Variants in SLFN12L observed in about 807,000 individuals in gnomAD.
SLFN12L encodes the protein schlafen family member 12-like.
A neutral mutation model predicts 34.8 loss-of-function variants in SLFN12L; 34 were observed. The observed-to-expected ratio is 0.98, with a 90% CI of 0.74 to 1.30. The LOEUF (loss-of-function observed/expected upper bound fraction) is 1.30, where lower values mean the gene tolerates loss of function less well. Ranked by LOEUF, SLFN12L falls within the 50% of genes most tolerant of loss-of-function variation. The pLI, the probability that SLFN12L is intolerant of heterozygous loss-of-function variation, is 0.00. For synonymous variants in SLFN12L, 259 were observed against 247.5 expected, an observed-to-expected ratio of 1.05 and a Z score of -0.44; for missense variants, 703 against 696.2, an observed-to-expected ratio of 1.01 and a Z score of -0.11.
At chr17:35,498,795 C>T (rs1915188759) in intron 2 of SLFN12L, 8 of 920,620 alleles carry the variant, frequency 8.7e-6, no homozygotes, top group Non-Finnish European at 1.4e-5. Flanking sequence ...GTTTATCTTA[C>T]TTATTCATCT....
At chr17:35,516,907 T>C (rs900914309) in intron 2 of SLFN12L, among the ~76,000 whole-genome samples, 2 of 152,234 alleles carry the variant, frequency 1.3e-5, no homozygotes, top group Non-Finnish European at 2.9e-5. Context: ...ACGTAATCCA[T>C]TTAAAAATGA....
chr17:35,520,281 G>A (rs1915957963), intron 2 of SLFN12L, among the ~76,000 whole-genome samples: 1 of 152,202 alleles, frequency 6.6e-6, no homozygotes, highest in Admixed American at 6.5e-5. Flanking sequence ...ACTGATTTTA[G>A]TAACTTTCTT....
intron 2 of SLFN12L, among the ~76,000 whole-genome samples, chr17:35,521,346 T>C (rs1176583993): frequency 1.3e-5 from 2 of 152,236 alleles, no homozygotes; most frequent in African/African-American, 4.8e-5. Context: ...ACCACAGTAA[T>C]GTGGTAATGA....
At chr17:35,490,122 G>T (rs1234246284) in intron 2 of SLFN12L, 10 of 1,605,562 alleles carry the variant, frequency 6.2e-6, no homozygotes, top group Non-Finnish European at 7.6e-6. Flanking sequence ...CAGACCGCCG[G>T]CAACCTCCTC....
At position 35,469,673 on chromosome 17, in the gene SLFN12L, T is replaced by C. The variant is rs901474311; in HGVS notation, c.*5250A>G. Among the ~76,000 whole-genome samples the C allele has an allele frequency of 1.3e-5, 2 of 152,136 alleles. No homozygotes were observed. The highest frequency in any genetic ancestry group is 1.3e-4 in the Admixed American group (2 of 15,268). On this transcript the variant is annotated 3_prime_UTR_variant, in exon 5 of 5. Coordinates refer to ENST00000628453, the MANE Select transcript of SLFN12L (RefSeq NM_001363830.2). ...TTCCTAGGTTCTGTACTTGTCTATT[T>C]GGCATCCATTAATCACAGGGCCAAA...
rs927419700 is a variant in SLFN12L, at chr17:35,466,054, A to G, written c.*8869T>C. The stretch of plus-strand genomic sequence containing the variant: ...AGCGGAAAGTACAAAGATTTTCCAT[A>G]TACCCACTGCCCGCACTCATGCATA... On this transcript the variant is annotated 3_prime_UTR_variant, in exon 5 of 5. Transcript: ENST00000628453. Among the ~76,000 whole-genome samples the G allele has an allele frequency of 2.0e-5, 3 of 152,102 alleles. No individual in the cohort carries two copies. The highest frequency in any genetic ancestry group is 7.2e-5 in the African/African-American group (3 of 41,390).
chr17:35,506,149 G>A (rs1385080827), intron 2 of SLFN12L, among the ~76,000 whole-genome samples: 1 of 152,118 alleles, frequency 6.6e-6, no homozygotes, highest in Non-Finnish European at 1.5e-5. Flanking sequence ...GCTCATAAAT[G>A]ATATGAGTAA....
chr17:35,500,261 C>A (rs1915243765), intron 2 of SLFN12L: 7 of 152,042 alleles, frequency 4.6e-5, no homozygotes, highest in Admixed American at 4.6e-4. Context: ...GAGTCTGATT[C>A]CTACGTAGAA....
At chr17:35,529,422 A>G (rs1433421589) in intron 1 of SLFN12L, among the ~76,000 whole-genome samples, 1 of 152,234 alleles carries the variant, frequency 6.6e-6, no homozygotes, top group Non-Finnish European at 1.5e-5. Flanking sequence ...ACTATTCACA[A>G]TAGCAAAGAC....
chr17:35,512,429 G>A (rs1915682410), intron 2 of SLFN12L, among the ~76,000 whole-genome samples: 1 of 148,114 alleles, frequency 6.8e-6, no homozygotes, highest in Admixed American at 6.8e-5. Context: ...GCAGTGGCGT[G>A]GTCTCAGCTC....
chr17:35,481,380 C>G (rs1914331077), intron 2 of SLFN12L, among the ~76,000 whole-genome samples: 1 of 152,262 alleles, frequency 6.6e-6, no homozygotes, highest in African/African-American at 2.4e-5. Flanking sequence ...CTTCAGTGGT[C>G]ATGCTCCTGG....
chr17:35,499,293 A>C (rs770112243), intron 2 of SLFN12L: 1 of 706,712 alleles, frequency 1.4e-6, no homozygotes, highest in Non-Finnish European at 2.1e-6. Context: ...CATATAGCTA[A>C]AGCCAGACTA....
At chr17:35,494,941 T>G (rs1253406628) in intron 2 of SLFN12L, among the ~76,000 whole-genome samples, 1 of 151,930 alleles carries the variant, frequency 6.6e-6, no homozygotes, top group East Asian at 1.9e-4. Flanking sequence ...GGTCTCCCTT[T>G]GTCACCCAGG....
intron 2 of SLFN12L, among the ~76,000 whole-genome samples, chr17:35,519,352 A>C (rs1915932758): frequency 6.6e-6 from 1 of 152,224 alleles, no homozygotes. Flanking sequence ...AACTTAAAGC[A>C]AAATAAAATA....
At chr17:35,496,346 C>CA (rs901266704) in intron 2 of SLFN12L, among the ~76,000 whole-genome samples, 58 of 149,886 alleles carry the variant, frequency 3.9e-4, no homozygotes, top group East Asian at 1.8e-3. Context: ...GAGACCCACT[C>CA]AAAAAAAAAT....
rs752910262 is a variant in SLFN12L at position 35,475,317 on chromosome 17, T to G, written c.1445A>C (p.Lys482Thr). ...SLDLGLQENH[K>T]VLCDALLISQ... is the part of the protein sequence containing the mutation. Reference sequence around the variant, plus strand: ...AATCAGAAGAGCATCACAGAGGACTTTGTGGTTCTCTTGCAAGCCCAGATC... The same window carrying G: ...AATCAGAAGAGCATCACAGAGGACTGTGTGGTTCTCTTGCAAGCCCAGATC... Residue 482 changes from lysine to threonine, a missense_variant, in exon 5 of 5, where the codon AAA becomes ACA. By Grantham distance (78) the Lys-to-Thr change is moderately conservative. Coordinates refer to ENST00000628453, the MANE Select transcript of SLFN12L (RefSeq NM_001363830.2). 1 of 1,614,046 alleles carries G rather than the reference T, an allele frequency of 6.2e-7. No individual in the cohort carries two copies. The highest frequency in any genetic ancestry group is 8.5e-7 in the Non-Finnish European group (1 of 1,180,038).
chr17:35,504,246 A>T (rs953102030), intron 2 of SLFN12L, among the ~76,000 whole-genome samples: 1 of 152,194 alleles, frequency 6.6e-6, no homozygotes, highest in Non-Finnish European at 1.5e-5. Context: ...GATTTTGATT[A>T]AAAACCCCAG....
intron 2 of SLFN12L, chr17:35,498,579 C>A (rs146851471): frequency 2.6e-6 from 4 of 1,563,150 alleles, no homozygotes; most frequent in Non-Finnish European, 3.5e-6. Context: ...TTTTTACAGC[C>A]GCTTCCATGG....
At chr17:35,479,038 C>T in intron 3 of SLFN12L, 79 bp downstream of exon 3, 3 of 1,078,224 alleles carry the variant, frequency 2.8e-6, no homozygotes, top group South Asian at 3.4e-5. Flanking sequence ...TTAATCTTGT[C>T]CCTAATCCCA....
Sources: gnomAD v4.1 joint callset for allele counts (sites outside exome capture counted in the v4.1 genomes callset) on GRCh38, gnomAD v4.1.1 for gene constraint, MANE v1.5 for transcripts, NCBI Gene and HGNC (gene_info 2026-07-23, HGNC 2026-07-21) for gene names.